Variants in KAT6B observed in about 807,000 individuals in gnomAD.
The protein encoded by KAT6B is histone acetyltransferase KAT6B.
Under a neutral mutation model 187.5 loss-of-function variants are expected in KAT6B, and 10 were observed. The observed-to-expected ratio is 0.05, with a 90% CI of 0.03 to 0.09. The LOEUF (loss-of-function observed/expected upper bound fraction) is 0.09. Ranked by LOEUF, KAT6B falls within the 10% of genes least tolerant of loss-of-function variation. The pLI is 1.00. For synonymous variants in KAT6B, 861 were observed against 926.8 expected, an observed-to-expected ratio of 0.93 and a Z score of 1.29; for missense variants, 1,952 against 2,558.9, an observed-to-expected ratio of 0.76 and a Z score of 5.12.
rs566316649 is a variant in KAT6B, at chr10:74,850,490, C to T, written c.621+7012C>T. ...CTCCTTCCTTTCTGAAATGTAATTG[C>T]ACATCTTCTGATAGTCTGGAATTCA... On this transcript the variant is annotated intron_variant, in intron 3 of 17. Transcript: ENST00000287239. Among the ~76,000 whole-genome samples, 4 of 152,272 alleles carry T rather than the reference C, an allele frequency of 2.6e-5. No individual in the cohort carries two copies. The East Asian group carries it at 7.7e-4, about 29-fold the overall frequency.
chr10:74,996,350 G>C (rs1843430794), intron 13 of KAT6B, among the ~76,000 whole-genome samples: 2 of 152,294 alleles, frequency 1.3e-5, no homozygotes, highest in Middle Eastern at 6.8e-3. Context: ...CTAGGCAGAG[G>C]GGAGCAGCAT....
chr10:74,926,486 C>G (rs1202833486), intron 3 of KAT6B, among the ~76,000 whole-genome samples: 3 of 152,152 alleles, frequency 2.0e-5, no homozygotes, highest in Non-Finnish European at 4.4e-5. Flanking sequence ...AATAACACCA[C>G]TGTATCCATA....
chr10:74,981,983 G>A, intron 11 of KAT6B, 55 bp downstream of exon 11: 1 of 1,483,812 alleles, frequency 6.7e-7, no homozygotes, highest in Non-Finnish European at 9.4e-7. Context: ...ACTCCTAATT[G>A]TTGACTATGT....
intron 3 of KAT6B, among the ~76,000 whole-genome samples, chr10:74,945,549 G>A (rs1051739337): frequency 2.0e-5 from 3 of 152,040 alleles, no homozygotes; most frequent in South Asian, 2.1e-4. Context: ...TGCAACCTCC[G>A]CCTCCTGGGT....
At chr10:74,994,833 A>C (rs912470762) in intron 13 of KAT6B, among the ~76,000 whole-genome samples, 61 of 152,006 alleles carry the variant, frequency 4.0e-4, no homozygotes, top group African/African-American at 1.4e-3. Context: ...GAGGAAACCA[A>C]GTTCTGATCA....
At chr10:74,867,264 G>C (rs768020258) in intron 3 of KAT6B, among the ~76,000 whole-genome samples, 1 of 152,170 alleles carries the variant, frequency 6.6e-6, no homozygotes, top group East Asian at 1.9e-4. Flanking sequence ...AATTATTATT[G>C]ATTTCTTACT....
intron 3 of KAT6B, among the ~76,000 whole-genome samples, chr10:74,940,873 CTCT>C (rs1353748581): frequency 2.6e-5 from 4 of 152,208 alleles, no homozygotes; most frequent in African/African-American, 9.6e-5. Flanking sequence ...ACTCCTTAGA[CTCT>C]TCTTAGCATA....
chr10:74,841,055 A>G (rs1841710854), intron 2 of KAT6B, among the ~76,000 whole-genome samples: 2 of 152,254 alleles, frequency 1.3e-5, no homozygotes, highest in African/African-American at 2.4e-5. Flanking sequence ...ATAACTATAT[A>G]TTGAATATTA....
chr10:75,006,381 C>T (rs1334843481), intron 13 of KAT6B, among the ~76,000 whole-genome samples: 1 of 152,130 alleles, frequency 6.6e-6, no homozygotes, highest in Non-Finnish European at 1.5e-5. Context: ...ATTTATCCTG[C>T]CTTTCTTACA....
chr10:74,929,658 A>G (rs1202123781), intron 3 of KAT6B, among the ~76,000 whole-genome samples: 1 of 152,196 alleles, frequency 6.6e-6, no homozygotes, highest in Non-Finnish European at 1.5e-5. Flanking sequence ...GAAAATATAT[A>G]TGGCTTCTAA....
At chr10:75,010,786 G>C (rs1247266536) in intron 13 of KAT6B, among the ~76,000 whole-genome samples, 1 of 152,226 alleles carries the variant, frequency 6.6e-6, no homozygotes, top group Non-Finnish European at 1.5e-5. Context: ...AAGTGTCTCA[G>C]CTGCCTCAGT....
At chr10:74,841,195 G>T (rs1841720712) in intron 2 of KAT6B, among the ~76,000 whole-genome samples, 1 of 152,214 alleles carries the variant, frequency 6.6e-6, no homozygotes, top group East Asian at 1.9e-4. Flanking sequence ...CTGGGGTTCA[G>T]ACCCAGGTTG....
rs1444826729 is a variant in KAT6B, at chr10:74,976,253, T to A, written c.1916T>A (p.Val639Glu). Residue 639 changes from valine to glutamate, a missense_variant, in exon 8 of 18, where the codon GTG becomes GAG. By Grantham distance (121) the Val-to-Glu change is moderately radical (BLOSUM62 -2). Around this residue, in one of 9 missense-constraint regions of KAT6B, gnomAD observed 417 missense variants for 508.9 expected, o/e 0.82. Coordinates refer to ENST00000287239, the MANE Select transcript of KAT6B (RefSeq NM_012330.4). ...HRMLGRLKYK[V>E]TPQMGTPSPG... The stretch of plus-strand genomic sequence containing the variant: ...ATGCTAGGCAGATTAAAATATAAAG[T>A]GACCCCTCAGATGGGGACCCCCTCA... The A allele has an allele frequency of 5.6e-6, 9 of 1,614,120 alleles. No homozygotes were observed. Among genetic ancestry groups the A allele is most frequent in the Non-Finnish European group, 7.6e-6 (9 of 1,180,014 alleles).
At chr10:74,992,432 G>T (rs1490415221) in intron 13 of KAT6B, among the ~76,000 whole-genome samples, 1 of 152,202 alleles carries the variant, frequency 6.6e-6, no homozygotes, top group Non-Finnish European at 1.5e-5. Flanking sequence ...GACTTTAAAT[G>T]TGCTCAGAAC....
intron 3 of KAT6B, among the ~76,000 whole-genome samples, chr10:74,887,934 T>G (rs2132603902): frequency 6.6e-6 from 1 of 151,930 alleles, no homozygotes; most frequent in East Asian, 1.9e-4. Flanking sequence ...TGCAGTAAGC[T>G]ATGATTGTGC....
chr10:74,966,856 T>C (rs1005139314), intron 4 of KAT6B, among the ~76,000 whole-genome samples: 6 of 151,824 alleles, frequency 4.0e-5, no homozygotes, highest in Admixed American at 2.0e-4. Context: ...CAAAACCCCA[T>C]CTCTACCAAA....
At chr10:74,874,258 A>C (rs772995871) in intron 3 of KAT6B, among the ~76,000 whole-genome samples, 2 of 152,252 alleles carry the variant, frequency 1.3e-5, no homozygotes, top group Non-Finnish European at 2.9e-5. Flanking sequence ...GGAATAAGAA[A>C]GCAAAAGACA....
intron 3 of KAT6B, among the ~76,000 whole-genome samples, chr10:74,925,727 A>G (rs536615579): frequency 6.6e-6 from 1 of 152,294 alleles, no homozygotes; most frequent in Non-Finnish European, 1.5e-5. Flanking sequence ...AGTAACTCTT[A>G]TAACACTTAT....
intron 3 of KAT6B, among the ~76,000 whole-genome samples, chr10:74,934,698 A>G (rs567369070): frequency 2.6e-5 from 4 of 152,250 alleles, no homozygotes; most frequent in South Asian, 4.1e-4. Context: ...CTCAAGAGCT[A>G]TCGTTTTCTT....
Sources: gnomAD v4.1 joint callset for allele counts (sites outside exome capture counted in the v4.1 genomes callset) on GRCh38, gnomAD v4.1.1 for gene constraint, gnomAD v4.1.1 regional missense constraint, MANE v1.5 for transcripts, NCBI Gene and HGNC (gene_info 2026-07-23, HGNC 2026-07-21) for gene names.